The following VDAC2 variants were observed in gnomAD, a reference collection of about 807,000 sequenced individuals.
VDAC2 encodes the protein voltage dependent anion channel 2, also known as non-selective voltage-gated ion channel VDAC2.
A neutral mutation model predicts 36.6 loss-of-function variants in VDAC2; 6 were observed. The ratio of observed to expected loss-of-function variants is 0.16; its 90% confidence interval spans 0.09 to 0.32. The LOEUF is 0.32. VDAC2 is among the 10% of genes least tolerant of loss of function. The probability of loss-of-function intolerance (pLI) is 1.00; values close to 1 mark genes in which losing one functional copy is unlikely to be tolerated. For missense variants in VDAC2, 247 were observed against 346.0 expected, an observed-to-expected ratio of 0.71 and a Z score of 2.27; for synonymous variants, 109 against 123.8, an observed-to-expected ratio of 0.88 and a Z score of 0.79.
chr10:75,220,655 C>T, intron 6 of VDAC2, 88 bp from the exon 7 acceptor site: 3 of 1,113,684 alleles, frequency 2.7e-6, no homozygotes, highest in Non-Finnish European at 3.9e-6. Context: ...CCTGGTCATA[C>T]TGCAGTTTAT....
intron 9 of VDAC2, among the ~76,000 whole-genome samples, chr10:75,230,427 G>A (rs1259501): frequency 0.57 from 86,269 of 152,074 alleles, 26,065 homozygotes; most frequent in East Asian, 0.92. Flanking sequence ...AGACATGGCA[G>A]CCCCTAGCAT....
rs752725236 is a variant in VDAC2 at position 75,229,715 on chromosome 10, A to T, written c.793+14A>T. The T allele has an allele frequency of 2.5e-6, 4 of 1,584,416 alleles. No individual in the cohort carries two copies. In the Admixed American group the frequency reaches 5.7e-5, roughly 22 times the overall value. On this transcript the variant is annotated intron_variant, in intron 9 of 9. Transcript: ENST00000332211. The stretch of plus-strand genomic sequence containing the variant: ...CTCTGAGGCCTGGTAAGTATTCTTG[A>T]TAAAGTAGGATTGTTTTGATAGTAT...
rs562628558 is a variant in VDAC2, at chr10:75,215,086, G to A, written c.150+1016G>A. Among the ~76,000 whole-genome samples, 32 of 151,656 alleles carry A rather than the reference G, an allele frequency of 2.1e-4. No individual in the cohort carries two copies. In the South Asian group the frequency reaches 6.5e-3, roughly 31 times the overall value. ...TATCCATCATGCCTGAGTATTTTTTGTAGTTTTTCTAGAGATGACGTTTTG... is the reference window on the plus strand; with the variant it reads ...TATCCATCATGCCTGAGTATTTTTTATAGTTTTTCTAGAGATGACGTTTTG... On this transcript the variant is annotated intron_variant, in intron 4 of 9. Transcript: ENST00000332211.
chr10:75,215,388 G>A (rs1841570803), intron 4 of VDAC2, among the ~76,000 whole-genome samples: 1 of 150,314 alleles, frequency 6.7e-6, no homozygotes, highest in Non-Finnish European at 1.5e-5. Flanking sequence ...GTCTTGCACT[G>A]TCACCCAGGC....
At chr10:75,214,896 G>C (rs200914459) in intron 4 of VDAC2, among the ~76,000 whole-genome samples, 72 of 152,174 alleles carry the variant, frequency 4.7e-4, no homozygotes, top group African/African-American at 1.7e-3. Flanking sequence ...GTTTACAAAG[G>C]GGATAAACTA....
rs140266245 is a variant in VDAC2 at position 75,224,232 on chromosome 10, G to T, written c.735+1830G>T. Among the ~76,000 whole-genome samples, 207 of 152,276 alleles carry T rather than the reference G, an allele frequency of 1.4e-3. 8 individuals carry two copies. The highest frequency in any genetic ancestry group is 4.5e-3 in the African/African-American group (188 of 41,556). Reference sequence around the variant, plus strand: ...TCCAGGTAGAATTAGAGGACATTTAGCCAGTGTCTGCTGCAGAAATTATTG... The same window carrying T: ...TCCAGGTAGAATTAGAGGACATTTATCCAGTGTCTGCTGCAGAAATTATTG... On this transcript the variant is annotated intron_variant, in intron 8 of 9. Transcript: ENST00000332211.
chr10:75,224,052 A>G (rs2132274756), intron 8 of VDAC2, among the ~76,000 whole-genome samples: 1 of 152,204 alleles, frequency 6.6e-6, no homozygotes, highest in Middle Eastern at 3.4e-3. Context: ...GCTCTAGGAG[A>G]TTAATTGAAC....
intron 8 of VDAC2, among the ~76,000 whole-genome samples, chr10:75,227,925 C>T (rs1328117130): frequency 1.4e-5 from 2 of 146,422 alleles, no homozygotes; most frequent in African/African-American, 2.5e-5. Context: ...GGCGGAGTCT[C>T]GCTCAGTAGC....
intron 4 of VDAC2, among the ~76,000 whole-genome samples, chr10:75,215,376 G>A (rs2132257020): frequency 6.6e-6 from 1 of 150,660 alleles, no homozygotes; most frequent in South Asian, 2.1e-4. Context: ...TTTTGAGACG[G>A]AGTCTTGCAC....
chr10:75,213,950 T>C (rs1841516588), intron 3 of VDAC2, 71 bp from the exon 4 acceptor site: 3 of 1,467,680 alleles, frequency 2.0e-6, no homozygotes, highest in Non-Finnish European at 2.9e-6. Context: ...TTTTTATGTA[T>C]AGTCAACAAT....
chr10:75,219,889 G>A (rs771155080), intron 6 of VDAC2, among the ~76,000 whole-genome samples: 17 of 150,782 alleles, frequency 1.1e-4, no homozygotes, highest in Admixed American at 6.0e-4. Context: ...GTGCAGTGGC[G>A]CGATCTCGGC....
intron 8 of VDAC2, among the ~76,000 whole-genome samples, chr10:75,226,354 A>G (rs1467040721): frequency 6.6e-6 from 1 of 151,608 alleles, no homozygotes; most frequent in African/African-American, 2.4e-5. Context: ...CCAAGTGACT[A>G]GAGCCGTAAG....
At chr10:75,211,732 C>G in intron 2 of VDAC2, 2 of 1,518,044 alleles carry the variant, frequency 1.3e-6, no homozygotes, top group Non-Finnish European at 1.8e-6. Flanking sequence ...AGTATTTTTT[C>G]CAAGTTTCAA....
chr10:75,221,478 G>A (rs963423035), intron 7 of VDAC2, among the ~76,000 whole-genome samples: 2 of 152,042 alleles, frequency 1.3e-5, no homozygotes, highest in East Asian at 1.9e-4. Context: ...GACTACAGGC[G>A]TGTGCCACCA....
At chr10:75,222,222 C>G in intron 7 of VDAC2, 30 bp from the exon 8 acceptor site, 1 of 1,599,164 alleles carries the variant, frequency 6.3e-7, no homozygotes, top group Non-Finnish European at 8.6e-7. Flanking sequence ...ATTGTCTATT[C>G]TAGATCTACT....
At position 75,231,372 on chromosome 10, in the gene VDAC2, A is replaced by G. The variant is rs890659387; in HGVS notation, c.*383A>G. 2 of 156,422 alleles carry G rather than the reference A, an allele frequency of 1.3e-5. No individual in the cohort carries two copies. The highest frequency in any genetic ancestry group is 4.8e-5 in the African/African-American group (2 of 41,534). The allele number at this position is 156,422 out of a possible 1,614,324, so 9.7% of individuals were successfully genotyped here. ...CAGTGGATATTAAGATGAGGTTACAAATTTTGTTAAGTTCAGCCATTATTA... is the reference window on the plus strand; with the variant it reads ...CAGTGGATATTAAGATGAGGTTACAGATTTTGTTAAGTTCAGCCATTATTA... On this transcript the variant is annotated 3_prime_UTR_variant, in exon 10 of 10. Transcript: ENST00000332211.
At chr10:75,229,852 T>G in intron 9 of VDAC2, 151 bp downstream of exon 9, 1 of 544,584 alleles carries the variant, frequency 1.8e-6, no homozygotes, top group Non-Finnish European at 3.0e-6. Context: ...CAATTTTTTA[T>G]TTCTTTTTCT....
intron 4 of VDAC2, chr10:75,217,896 A>G (rs1446187635): frequency 7.8e-6 from 10 of 1,285,102 alleles, no homozygotes; most frequent in African/African-American, 1.5e-5. Flanking sequence ...AGATATCACA[A>G]TTTCTGGCTG....
chr10:75,215,089 G>C (rs1841558026), intron 4 of VDAC2, among the ~76,000 whole-genome samples: 1 of 150,164 alleles, frequency 6.7e-6, no homozygotes, highest in Non-Finnish European at 1.5e-5. Flanking sequence ...ATTTTTTGTA[G>C]TTTTTCTAGA....
Sources: allele counts gnomAD v4.1 joint callset (sites outside exome capture counted in the v4.1 genomes callset), GRCh38; gene constraint gnomAD v4.1.1; transcripts MANE v1.5; gene names NCBI Gene and HGNC (gene_info 2026-07-23, HGNC 2026-07-21).